Variants in ADAMTS17 observed in about 807,000 individuals in gnomAD.
ADAMTS17 encodes ADAM metallopeptidase with thrombospondin type 1 motif 17.
A neutral mutation model predicts 141.5 loss-of-function variants in ADAMTS17; 113 were observed. That is an observed-to-expected ratio of 0.80 (90% CI 0.69 to 0.93). ADAMTS17 has a LOEUF of 0.93. Among genes scored for constraint, ADAMTS17 ranks in the 40% least tolerant of loss-of-function variants. The probability of loss-of-function intolerance (pLI) is 0.00; values close to 1 mark genes in which losing one functional copy is unlikely to be tolerated. For missense variants in ADAMTS17, 1,659 were observed against 1,517.9 expected, an observed-to-expected ratio of 1.09 and a Z score of -1.54; for synonymous variants, 768 against 630.6, an observed-to-expected ratio of 1.22 and a Z score of -3.27.
chr15:100,090,729 T>G (rs1021730295), intron 15 of ADAMTS17, among the ~76,000 whole-genome samples: 1 of 152,102 alleles, frequency 6.6e-6, no homozygotes, highest in Admixed American at 6.5e-5. Flanking sequence ...GGAAACCAGC[T>G]GGGCGCAGTG....
At chr15:100,125,451 C>A (rs894343618) in intron 12 of ADAMTS17, among the ~76,000 whole-genome samples, 1 of 152,164 alleles carries the variant, frequency 6.6e-6, no homozygotes, top group Non-Finnish European at 1.5e-5. Flanking sequence ...GCAGGCTAGC[C>A]GCCTTCCTCT....
At chr15:100,136,707 TG>T (rs2038351891) in intron 10 of ADAMTS17, among the ~76,000 whole-genome samples, 1 of 151,988 alleles carries the variant, frequency 6.6e-6, no homozygotes, top group South Asian at 2.1e-4. Flanking sequence ...AGAACTAAAG[TG>T]ATGTAAAAGA....
chr15:100,152,724 C>T lies in ADAMTS17; in HGVS notation c.1361G>A (p.Arg454Lys). The T allele has an allele frequency of 2.5e-6, 4 of 1,614,180 alleles. No homozygotes were observed. The South Asian group carries it at 3.3e-5, about 13-fold the overall frequency. Residue 454 changes from arginine (R) to lysine (K), a missense_variant, in exon 10 of 22, where the codon AGA (arginine) becomes AAA (lysine). Coordinates refer to ENST00000268070, the MANE Select transcript of ADAMTS17 (RefSeq NM_139057.4). Reference protein sequence around the residue: ...VSTCLLVTDPRSQHTVRLPHK... With the variant: ...VSTCLLVTDPKSQHTVRLPHK... ...CGGGAGGCGTACTGTGTGCTGGCTTCTGGGGTCCGTGACTAGCAAGCAGGT... is the reference window on the plus strand; with the variant it reads ...CGGGAGGCGTACTGTGTGCTGGCTTTTGGGGTCCGTGACTAGCAAGCAGGT...
intron 7 of ADAMTS17, among the ~76,000 whole-genome samples, chr15:100,202,740 C>G (rs1047712456): frequency 2.0e-5 from 3 of 152,196 alleles, no homozygotes; most frequent in Admixed American, 2.0e-4. Context: ...GGAAAACCCG[C>G]CAAATCCCCA....
At chr15:100,303,093 T>TTA (rs1358212798) in intron 3 of ADAMTS17, among the ~76,000 whole-genome samples, 1 of 147,546 alleles carries the variant, frequency 6.8e-6, no homozygotes, top group Non-Finnish European at 1.5e-5. Flanking sequence ...AAACTTCCCT[T>TTA]TATATATATA....
At chr15:100,056,511 A>G (rs2141616440) in intron 15 of ADAMTS17, among the ~76,000 whole-genome samples, 1 of 152,284 alleles carries the variant, frequency 6.6e-6, no homozygotes. Context: ...TTAGATTCTC[A>G]TAAGGCATGC....
chr15:100,252,478 G>C (rs2043183914), intron 7 of ADAMTS17, among the ~76,000 whole-genome samples: 1 of 152,184 alleles, frequency 6.6e-6, no homozygotes, highest in Non-Finnish European at 1.5e-5. Context: ...GTCTCCACGG[G>C]GCAAGCCAGG....
chr15:100,135,159 C>T (rs901400554), intron 10 of ADAMTS17, among the ~76,000 whole-genome samples: 1 of 152,010 alleles, frequency 6.6e-6, no homozygotes, highest in African/African-American at 2.4e-5. Flanking sequence ...AGGGCTTTCT[C>T]ATGAAACTTT....
chr15:100,316,226 C>A (rs576064936), intron 3 of ADAMTS17, among the ~76,000 whole-genome samples: 1 of 152,260 alleles, frequency 6.6e-6, no homozygotes, highest in East Asian at 1.9e-4. Context: ...ACCATGCCAC[C>A]CCAACTTCTG....
chr15:100,167,171 A>G (rs2039982230), intron 8 of ADAMTS17, among the ~76,000 whole-genome samples: 1 of 152,146 alleles, frequency 6.6e-6, no homozygotes. Context: ...CTAAGTGAGA[A>G]CCTGATTGGC....
rs555860972 is a variant in ADAMTS17 at position 100,216,902 on chromosome 15, A to C, written c.1076-17479T>G. ...ACACACATTGAATGCACTTCTTGGAAACATCACATGTTCTTCTGTTTTGTG... is the reference window on the plus strand; with the variant it reads ...ACACACATTGAATGCACTTCTTGGACACATCACATGTTCTTCTGTTTTGTG... On this transcript the variant is annotated intron_variant, in intron 7 of 21. Transcript: ENST00000268070. Among the ~76,000 whole-genome samples, 18 of 152,340 alleles carry C rather than the reference A, an allele frequency of 1.2e-4. No individual in the cohort carries two copies. The South Asian group carries it at 3.7e-3, about 32-fold the overall frequency.
intron 18 of ADAMTS17, among the ~76,000 whole-genome samples, chr15:100,029,731 C>A (rs553705292): frequency 1.3e-5 from 2 of 152,314 alleles, no homozygotes; most frequent in African/African-American, 2.4e-5. Context: ...AGGATTTTTG[C>A]ATCTGCTGTT....
Position 100,073,023 on chromosome 15 carries a change from A to AC in ADAMTS17, c.2138-18970_2138-18969insG, listed in dbSNP as rs2034092827. 2.0e-5 allele frequency among the ~76,000 whole-genome samples: 3 copies of AC among 152,236 alleles called. No individual in the cohort carries two copies. In the South Asian group the frequency reaches 6.2e-4, roughly 32 times the overall value. Reference sequence around the variant, plus strand: ...AATTTTTGTAATCTACTCATCTGACAAAGGGCTAATATCCAGAATCTACAA... The same window carrying AC: ...AATTTTTGTAATCTACTCATCTGACACAAGGGCTAATATCCAGAATCTACAA... On this transcript the variant is annotated intron_variant, in intron 15 of 21. Transcript: ENST00000268070.
chr15:100,070,209 G>A (rs1487096648), intron 15 of ADAMTS17, among the ~76,000 whole-genome samples: 1 of 149,984 alleles, frequency 6.7e-6, no homozygotes, highest in Non-Finnish European at 1.5e-5. Context: ...AAATATATAT[G>A]CACCCAATAC....
chr15:100,032,951 C>T (rs2030329066), intron 18 of ADAMTS17, among the ~76,000 whole-genome samples: 1 of 152,146 alleles, frequency 6.6e-6, no homozygotes, highest in African/African-American at 2.4e-5. Flanking sequence ...AAGAGCTTTG[C>T]CTTTCTGCTG....
intron 1 of ADAMTS17, 78 bp downstream of exon 1, chr15:100,341,743 C>G (rs1596562775): frequency 6.7e-7 from 1 of 1,494,286 alleles, no homozygotes; most frequent in Non-Finnish European, 8.9e-7. Context: ...GCCCCCGGGC[C>G]GCCAGGACGC....
chr15:100,094,228 G>T (rs1056088472), intron 15 of ADAMTS17, among the ~76,000 whole-genome samples: 1 of 152,276 alleles, frequency 6.6e-6, no homozygotes, highest in Admixed American at 6.5e-5. Context: ...TTGGCAGCTG[G>T]AAGGACACAC....
At chr15:99,975,881 C>T (rs1256701835) in intron 21 of ADAMTS17, among the ~76,000 whole-genome samples, 164 bp downstream of exon 21, 1 of 145,090 alleles carries the variant, frequency 6.9e-6, no homozygotes, top group Non-Finnish European at 1.5e-5. Flanking sequence ...GGAATGGAAT[C>T]CATCTCTGAA....
chr15:100,070,780 A>G (rs1293050933), intron 15 of ADAMTS17, among the ~76,000 whole-genome samples: 1 of 149,798 alleles, frequency 6.7e-6, no homozygotes, highest in Non-Finnish European at 1.5e-5. Context: ...AATGCCCACA[A>G]GAGAAAGCAG....
Sources: gnomAD v4.1 joint callset for allele counts (sites outside exome capture counted in the v4.1 genomes callset) on GRCh38, gnomAD v4.1.1 for gene constraint, MANE v1.5 for transcripts, NCBI Gene and HGNC (gene_info 2026-07-23, HGNC 2026-07-21) for gene names.